Variants in TBC1D5 observed in about 807,000 individuals in gnomAD.
TBC1D5 encodes the protein TBC1 domain family, member 5.
A neutral mutation model predicts 100.3 loss-of-function variants in TBC1D5; 75 were observed. The observed-to-expected ratio is 0.75, with a 90% confidence interval of 0.62 to 0.91. The LOEUF is 0.91. TBC1D5 is among the 40% of genes least tolerant of loss of function. The probability of loss-of-function intolerance (pLI) is 0.00; values close to 1 mark genes in which losing one functional copy is unlikely to be tolerated. For missense variants in TBC1D5, 910 were observed against 942.4 expected (o/e 0.97, Z 0.45); for synonymous variants, 323 against 325.6 (o/e 0.99, Z 0.09).
At chr3:17,731,623 T>C (rs1172559384) in intron 1 of TBC1D5, among the ~76,000 whole-genome samples, 2 of 151,926 alleles carry the variant, frequency 1.3e-5, no homozygotes, top group Non-Finnish European at 2.9e-5. Flanking sequence ...CCTACCTGGC[T>C]GCGGGGACAC....
chr3:17,478,142 TA>T (rs1455322652), intron 3 of TBC1D5, among the ~76,000 whole-genome samples: 5 of 152,292 alleles, frequency 3.3e-5, no homozygotes, highest in Middle Eastern at 3.4e-3. Flanking sequence ...TGTTTCCCAT[TA>T]GCTGCTTTAC....
At chr3:17,176,781 C>A (rs186381358) in intron 19 of TBC1D5, among the ~76,000 whole-genome samples, 1 of 151,322 alleles carries the variant, frequency 6.6e-6, no homozygotes, top group South Asian at 2.1e-4. Flanking sequence ...CACATGCACC[C>A]CAGAACTTAA....
At chr3:17,612,154 G>C (rs112123342) in intron 2 of TBC1D5, among the ~76,000 whole-genome samples, 2,960 of 151,760 alleles carry the variant, frequency 0.02, 98 homozygotes, top group African/African-American at 0.067. Context: ...AAAAAAATTA[G>C]CTGGGTGTGG....
intron 2 of TBC1D5, among the ~76,000 whole-genome samples, chr3:17,565,280 T>C (rs1180014861): frequency 1.3e-5 from 2 of 152,178 alleles, no homozygotes; most frequent in Non-Finnish European, 2.9e-5. Flanking sequence ...GTACTATGTT[T>C]AAAGTCCTTA....
chr3:17,516,372 T>A (rs546741305), intron 2 of TBC1D5, among the ~76,000 whole-genome samples: 2 of 152,296 alleles, frequency 1.3e-5, no homozygotes, highest in South Asian at 4.1e-4. Flanking sequence ...CCTATTTACA[T>A]AAATTTATTT....
At chr3:17,209,900 AC>A (rs1358268686) in intron 18 of TBC1D5, among the ~76,000 whole-genome samples, 1 of 152,098 alleles carries the variant, frequency 6.6e-6, no homozygotes, top group Non-Finnish European at 1.5e-5. Context: ...GCTTGCTACT[AC>A]TTTCTGGGTC....
intron 19 of TBC1D5, among the ~76,000 whole-genome samples, chr3:17,174,037 C>T (rs1441032829): frequency 1.3e-5 from 2 of 152,128 alleles, no homozygotes; most frequent in African/African-American, 4.8e-5. Context: ...TGTGTCCTTG[C>T]AAATCCATTC....
chr3:17,470,439 C>A (rs1405529294), intron 3 of TBC1D5, among the ~76,000 whole-genome samples: 4 of 152,136 alleles, frequency 2.6e-5, no homozygotes, highest in Non-Finnish European at 1.5e-5. Flanking sequence ...CAGGAGAGAA[C>A]ACCCTAAGAA....
chr3:17,238,341 G>A (rs1559469152), exon 17 of TBC1D5: 2 of 1,613,856 alleles, frequency 1.2e-6, no homozygotes, highest in Non-Finnish European at 1.7e-6. Flanking sequence ...CCATTGCTGG[G>A]GAAATCAACT....
intron 18 of TBC1D5, among the ~76,000 whole-genome samples, chr3:17,208,200 G>A (rs76152175): frequency 0.036 from 5,462 of 152,236 alleles, 321 homozygotes; most frequent in African/African-American, 0.12. Flanking sequence ...AATGAGTCCC[G>A]GCTATGGGCC....
intron 1 of TBC1D5, among the ~76,000 whole-genome samples, chr3:17,706,858 CCTTT>C (rs1349084282): frequency 2.0e-5 from 3 of 150,402 alleles, no homozygotes; most frequent in Non-Finnish European, 4.4e-5. Flanking sequence ...TTAAGAAAGA[CCTTT>C]TTTTTTTAAA....
chr3:17,471,031 G>T lies in TBC1D5; in HGVS notation c.97+37443C>A, dbSNP rs28360699. Among the ~76,000 whole-genome samples the T allele has an allele frequency of 9.5e-4, 144 of 152,296 alleles. 1 individual carries two copies. The highest frequency in any genetic ancestry group is 3.3e-3 in the African/African-American group (137 of 41,556). On this transcript the variant is annotated intron_variant, in intron 3 of 21. Coordinates refer to ENST00000253692, the Ensembl canonical transcript of TBC1D5. ...GACGATACCATATCACTAAAAAATA[G>T]ATGTCATTGCAAGGGGTTACCACAC...
At chr3:17,352,094 C>A (rs2090670083) in intron 13 of TBC1D5, among the ~76,000 whole-genome samples, 1 of 151,696 alleles carries the variant, frequency 6.6e-6, no homozygotes, top group African/African-American at 2.4e-5. Context: ...AGAAAAAATT[C>A]TTTCTTGATG....
At chr3:17,596,842 A>C (rs1469731723) in intron 2 of TBC1D5, among the ~76,000 whole-genome samples, 1 of 152,126 alleles carries the variant, frequency 6.6e-6, no homozygotes. Context: ...CCAATCACTC[A>C]AAATATTAAA....
At chr3:17,494,463 G>T (rs549725317) in intron 3 of TBC1D5, among the ~76,000 whole-genome samples, 39 of 152,316 alleles carry the variant, frequency 2.6e-4, no homozygotes, top group African/African-American at 8.7e-4. Flanking sequence ...GTGCTGGGGG[G>T]AATCCTCCTC....
chr3:17,251,429 C>CG (rs1331147387), intron 16 of TBC1D5, among the ~76,000 whole-genome samples: 1 of 131,198 alleles, frequency 7.6e-6, no homozygotes, highest in East Asian at 2.5e-4. Context: ...ACGGGAACCC[C>CG]CCCCCCCCCA....
At chr3:17,182,439 T>G (rs2068556102) in intron 19 of TBC1D5, among the ~76,000 whole-genome samples, 2 of 152,352 alleles carry the variant, frequency 1.3e-5, no homozygotes, top group South Asian at 4.1e-4. Flanking sequence ...AAAATGCTCT[T>G]TCAGTGCTGA....
chr3:17,539,457 T>C (rs2096325394), intron 2 of TBC1D5, among the ~76,000 whole-genome samples: 1 of 152,256 alleles, frequency 6.6e-6, no homozygotes, highest in Non-Finnish European at 1.5e-5. Flanking sequence ...GGGCCATTTT[T>C]AAATATGTCA....
chr3:17,336,780 A>G (rs2087892182), intron 13 of TBC1D5, among the ~76,000 whole-genome samples: 1 of 152,158 alleles, frequency 6.6e-6, no homozygotes, highest in Non-Finnish European at 1.5e-5. Flanking sequence ...TTAGTAAAGA[A>G]GAAAGCGTCG....
Sources: allele counts gnomAD v4.1 joint callset (sites outside exome capture counted in the v4.1 genomes callset), GRCh38; gene constraint gnomAD v4.1.1; transcripts MANE v1.5; gene names NCBI Gene and HGNC (gene_info 2026-07-23, HGNC 2026-07-21).